Variants in CYP26C1 observed in about 807,000 individuals in gnomAD.
The protein encoded by CYP26C1 is cytochrome P450 26C1.
A neutral mutation model predicts 39.1 loss-of-function variants in CYP26C1; 41 were observed. That is an observed-to-expected ratio of 1.05 (90% confidence interval 0.82 to 1.36). CYP26C1 has a LOEUF of 1.36. Among genes scored for constraint, CYP26C1 ranks in the 40% most tolerant of loss-of-function variants. The pLI is 0.00. For missense variants in CYP26C1, 833 were observed against 752.0 expected, an observed-to-expected ratio of 1.11 and a Z score of -1.26; for synonymous variants, 362 against 350.8, an observed-to-expected ratio of 1.03 and a Z score of -0.36.
At chr10:93,065,693 G>T (rs79054439) in intron 4 of CYP26C1, among the ~76,000 whole-genome samples, 78 of 152,302 alleles carry the variant, frequency 5.1e-4, no homozygotes, top group African/African-American at 1.8e-3. Context: ...GTAAGTTCCC[G>T]CATTCTCTCT....
chr10:93,064,351 C>A (rs1331283025), intron 3 of CYP26C1, 30 bp from the exon 4 acceptor site: 1 of 1,600,516 alleles, frequency 6.2e-7, no homozygotes, highest in Non-Finnish European at 8.5e-7. Context: ...AGCCTTCCTG[C>A]CCCATCTTTC....
intron 1 of CYP26C1, 121 bp downstream of exon 1, chr10:93,061,588 C>A (rs1846749903): frequency 1.6e-6 from 2 of 1,283,158 alleles, no homozygotes; most frequent in African/African-American, 1.5e-5. Flanking sequence ...CGCCCACGAC[C>A]CCGGGAAGCG....
At position 93,069,293 on chromosome 10, in the gene CYP26C1, A is replaced by T. The variant is rs1846867531; in HGVS notation, c.*596A>T. On this transcript the variant is annotated 3_prime_UTR_variant, in exon 6 of 6. Coordinates refer to ENST00000651965, the MANE Select transcript of CYP26C1 (RefSeq NM_183374.3). ...TCTGCCGGTCTCGGCGGAAACTAGC[A>T]ACTGTGGGCACTTCCAGGCTCGAAA... 6.6e-6 allele frequency: 1 copy of T among 152,232 alleles called. No individual in the cohort carries two copies. The highest frequency in any genetic ancestry group is 1.5e-5 in the Non-Finnish European group (1 of 68,062). 9.4% of individuals were successfully genotyped at this position (152,232 alleles called of 1,614,324 possible). A position where few individuals can be genotyped will look rare whatever the true frequency, so the allele number is the denominator to read the frequency against.
intron 4 of CYP26C1, 55 bp from the exon 5 acceptor site, chr10:93,065,901 C>T: frequency 6.9e-7 from 1 of 1,451,574 alleles, no homozygotes; most frequent in South Asian, 1.4e-5. Context: ...GTCGGGTCAG[C>T]GCCCCGGGCG....
chr10:93,064,334 C>G, intron 3 of CYP26C1, 47 bp from the exon 4 acceptor site: 1 of 1,567,962 alleles, frequency 6.4e-7, no homozygotes, highest in Non-Finnish European at 8.7e-7. Flanking sequence ...CCGGGCTTGG[C>G]CCCCTTAGCC....
intron 5 of CYP26C1, among the ~76,000 whole-genome samples, chr10:93,067,085 A>G (rs924494082): frequency 6.6e-6 from 1 of 152,258 alleles, no homozygotes; most frequent in South Asian, 2.1e-4. Context: ...GGGTGGCTCC[A>G]GATAAAAATG....
chr10:93,061,387 G>T lies in CYP26C1; in HGVS notation c.124G>T (p.Asp42Tyr). Residue 42 changes from aspartate (D) to tyrosine (Y), a missense_variant, in exon 1 of 6, where the codon GAC becomes TAC. Asp to Tyr is a radical substitution (Grantham distance 160, BLOSUM62 -3). Coordinates refer to ENST00000651965, the MANE Select transcript of CYP26C1 (RefSeq NM_183374.3). ...GACCCTCCGCTGGATGCTGAGCCGG[G>T]ACCGGGCCTCCACCCTGCCTCTGCC... ...LWTLRWMLSR[D>Y]RASTLPLPKG... 6.4e-7 allele frequency: 1 copy of T among 1,565,480 alleles called. No individual in the cohort carries two copies. The highest frequency in any genetic ancestry group is 8.7e-7 in the Non-Finnish European group (1 of 1,155,292).
chr10:93,067,445 C>G (rs1212178186), intron 5 of CYP26C1, among the ~76,000 whole-genome samples: 2 of 152,158 alleles, frequency 1.3e-5, no homozygotes, highest in African/African-American at 4.8e-5. Context: ...TCTGCAGGCG[C>G]TGGAGTGCCC....
At position 93,062,223 on chromosome 10, in the gene CYP26C1, CG is replaced by C; in HGVS notation, c.420del (p.Arg141GlyfsTer129). The C allele has an allele frequency of 6.6e-7, 1 of 1,522,668 alleles. No homozygotes were observed. The highest frequency in any genetic ancestry group is 8.8e-7 in the Non-Finnish European group (1 of 1,138,958). 94.3% of individuals were successfully genotyped at this position (1,522,668 alleles called of 1,614,324 possible). On this transcript the variant is annotated frameshift_variant, in exon 2 of 6. Transcript: ENST00000651965. LOFTEE classifies it high-confidence loss of function. Reference sequence around the variant, plus strand: ...AGGTGCGGTCGGCGAGCCGCACCGGCGGCGGCGCAAGGTGAGTGGAAACGGG... The same window carrying C: ...AGGTGCGGTCGGCGAGCCGCACCGGCGCGGCGCAAGGTGAGTGGAAACGGG... ...LLGAVGEPHR[R>X]RRKVLARVFS... is the part of the protein sequence containing the mutation.
rs1221032496 is a variant in CYP26C1 at position 93,068,639 on chromosome 10, T to G, written c.1511T>G (p.Leu504Arg). Residue 504 changes from leucine (L) to arginine (R), a missense_variant, in exon 6 of 6, where the codon CTG becomes CGG. By Grantham distance (102) the Leu-to-Arg change is moderately radical. Transcript: ENST00000651965. ...CCCATCGTGCACCCAGTGGACGGGC[T>G]GCGGCTCTTTTTCCACCCCCTCACG... ...TVPIVHPVDG[L>R]RLFFHPLTPS... 6.3e-7 allele frequency: 1 copy of G among 1,597,678 alleles called. No individual in the cohort carries two copies. Among genetic ancestry groups the G allele is most frequent in the Non-Finnish European group, 8.5e-7 (1 of 1,172,182 alleles).
At chr10:93,062,261 G>C (rs1846760727) in intron 2 of CYP26C1, 27 bp downstream of exon 2, 1 of 1,497,932 alleles carries the variant, frequency 6.7e-7, no homozygotes, top group Non-Finnish European at 8.9e-7. Flanking sequence ...ATGGACCGTA[G>C]ATACGTCGGA....
intron 3 of CYP26C1, 83 bp downstream of exon 3, chr10:93,063,078 C>T (rs1450828046): frequency 3.4e-6 from 5 of 1,477,364 alleles, no homozygotes; most frequent in Non-Finnish European, 4.5e-6. Flanking sequence ...ACGCCCTCGG[C>T]GCACCCCGCG....
chr10:93,061,329 G>A lies in CYP26C1; in HGVS notation c.66G>A (p.Ala22=), dbSNP rs751379382. The part of the protein sequence containing the change: ...LGAAGTALLC[A]GLLLSLAQHL... ...CGGCGGGCACTGCTCTCCTGTGCGCGGGCCTGCTGCTCAGCCTGGCCCAGC... is the reference window on the plus strand; with the variant it reads ...CGGCGGGCACTGCTCTCCTGTGCGCAGGCCTGCTGCTCAGCCTGGCCCAGC... Residue 22 remains alanine (A), a synonymous_variant, in exon 1 of 6, where the codon GCG becomes GCA. Coordinates refer to ENST00000651965, the MANE Select transcript of CYP26C1 (RefSeq NM_183374.3). 2 of 1,593,630 alleles carry A rather than the reference G, an allele frequency of 1.3e-6. No individual in the cohort carries two copies. Among genetic ancestry groups the A allele is most frequent in the Non-Finnish European group, 1.7e-6 (2 of 1,171,006 alleles).
intron 5 of CYP26C1, among the ~76,000 whole-genome samples, chr10:93,067,960 G>A (rs1383006716): frequency 1.3e-5 from 2 of 152,056 alleles, no homozygotes; most frequent in East Asian, 3.9e-4. Context: ...CCTCATCTAA[G>A]GTCAGAAGAA....
rs1564950371 is a variant in CYP26C1 at position 93,060,935 on chromosome 10, T to G, written c.-329T>G. 2 of 363,362 alleles carry G rather than the reference T, an allele frequency of 5.5e-6. No homozygotes were observed. Among genetic ancestry groups the G allele is most frequent in the Non-Finnish European group, 9.9e-6 (2 of 202,042 alleles). The allele number at this position is 363,362 out of a possible 1,614,324, so 22.5% of individuals were successfully genotyped here. On this transcript the variant is annotated 5_prime_UTR_variant, in exon 1 of 6. Coordinates refer to ENST00000651965, the MANE Select transcript of CYP26C1 (RefSeq NM_183374.3). ...GCTGAGCCCGGGAGGAGGTGGGAGG[T>G]GCCCCGCGGAGCCGGGAGTGAGCGT...
chr10:93,061,129 A>T lies in CYP26C1; in HGVS notation c.-135A>T. On this transcript the variant is annotated 5_prime_UTR_variant, in exon 1 of 6. Coordinates refer to ENST00000651965, the MANE Select transcript of CYP26C1 (RefSeq NM_183374.3). ...GAACAGAGTTCTGGCCTGAGCTTAT[A>T]AATCTCGGGCTTTGCCCCCAAACCC... The T allele has an allele frequency of 1.1e-6, 1 of 876,016 alleles. No homozygotes were observed. Among genetic ancestry groups the T allele is most frequent in the Non-Finnish European group, 1.7e-6 (1 of 573,554 alleles). 54.3% of individuals were successfully genotyped at this position (876,016 alleles called of 1,614,324 possible).
Position 93,066,227 on chromosome 10 carries a change from G to T in CYP26C1, c.1133G>T (p.Arg378Leu), listed in dbSNP as rs200442762. The T allele has an allele frequency of 1.4e-6, 2 of 1,471,900 alleles. No homozygotes were observed. The highest frequency in any genetic ancestry group is 4.4e-5 in the Admixed American group (2 of 45,244). 91.2% of individuals were successfully genotyped at this position (1,471,900 alleles called of 1,614,324 possible). The change falls in exon 5 of 6, where the codon CGC becomes CTC. Residue 378 changes from arginine (R) to leucine (L), a missense_variant. By Grantham distance (102) the Arg-to-Leu change is moderately radical. Transcript: ENST00000651965. ...YVDCVVKEVL[R>L]LLPPVSGGYR... ...GACTGCGTGGTCAAGGAGGTGCTGC[G>T]CCTCCTGCCGCCAGTGTCCGGGGGC... is the stretch of plus-strand genomic sequence containing the variant.
chr10:93,064,589 C>T (rs938057197), intron 4 of CYP26C1, 53 bp downstream of exon 4: 6 of 1,572,440 alleles, frequency 3.8e-6, no homozygotes, highest in Non-Finnish European at 5.2e-6. Flanking sequence ...CCAGCAGGTC[C>T]CTACACCAAT....
Position 93,068,796 on chromosome 10 carries a change from T to C in CYP26C1, c.*99T>C. On this transcript the variant is annotated 3_prime_UTR_variant, in exon 6 of 6. Coordinates refer to ENST00000651965, the MANE Select transcript of CYP26C1 (RefSeq NM_183374.3). ...CATTGTAGCGTCGCGCGCCCACTCTTTCACTCGTTCAACAATCTTTCAACA... is the reference window on the plus strand; with the variant it reads ...CATTGTAGCGTCGCGCGCCCACTCTCTCACTCGTTCAACAATCTTTCAACA... 1 of 1,414,838 alleles carries C rather than the reference T, an allele frequency of 7.1e-7. No homozygotes were observed. 87.6% of individuals were successfully genotyped at this position (1,414,838 alleles called of 1,614,324 possible). A position where few individuals can be genotyped will look rare whatever the true frequency, so the allele number is the denominator to read the frequency against.
Sources: allele counts gnomAD v4.1 joint callset (sites outside exome capture counted in the v4.1 genomes callset), GRCh38; gene constraint gnomAD v4.1.1; transcripts MANE v1.5; gene names NCBI Gene and HGNC (gene_info 2026-07-23, HGNC 2026-07-21).